The following CSMD1 variants were observed in gnomAD, a reference collection of about 807,000 sequenced individuals.
The protein encoded by CSMD1 is CUB and Sushi multiple domains 1, also known as CUB and sushi domain-containing protein 1.
A neutral mutation model predicts 417.5 loss-of-function variants in CSMD1; 213 were observed. The observed-to-expected ratio is 0.51, with a 90% CI of 0.46 to 0.57. CSMD1 has a LOEUF of 0.57. Among genes scored for constraint, CSMD1 ranks in the 20% least tolerant of loss-of-function variants. CSMD1 has a pLI of 0.00. For synonymous variants in CSMD1, 2,862 were observed against 1,736.8 expected (o/e 1.65, Z -16.11); for missense variants, 6,923 against 4,529.7 (o/e 1.53, Z -15.17).
intron 3 of CSMD1, among the ~76,000 whole-genome samples, chr8:4,312,304 C>T (rs1177400120): frequency 6.6e-6 from 1 of 150,994 alleles, no homozygotes; most frequent in African/African-American, 2.4e-5. Context: ...GGTATTTTAA[C>T]ACACATGATC....
At chr8:3,643,240 G>A (rs1328086158) in intron 7 of CSMD1, among the ~76,000 whole-genome samples, 2 of 151,948 alleles carry the variant, frequency 1.3e-5, no homozygotes, top group Non-Finnish European at 2.9e-5. Context: ...TGAAACAGCA[G>A]AACAAAGACA....
chr8:4,147,213 A>C, intron 3 of CSMD1, among the ~76,000 whole-genome samples: 1 of 152,148 alleles, frequency 6.6e-6, no homozygotes, highest in South Asian at 2.1e-4. Flanking sequence ...CTACTGAAAA[A>C]GAAAGCACGC....
intron 5 of CSMD1, among the ~76,000 whole-genome samples, chr8:3,893,059 C>G (rs529156656): frequency 1.3e-5 from 2 of 151,544 alleles, no homozygotes; most frequent in South Asian, 2.1e-4. Context: ...CAAGTTTGAC[C>G]AAGTATGCTG....
intron 5 of CSMD1, among the ~76,000 whole-genome samples, chr8:3,840,702 T>A (rs1803078674): frequency 6.6e-6 from 1 of 150,808 alleles, no homozygotes; most frequent in African/African-American, 2.4e-5. Flanking sequence ...AATTTTTTTT[T>A]TTTTTTTGAC....
chr8:4,168,078 G>A (rs1172301348), intron 3 of CSMD1, among the ~76,000 whole-genome samples: 1 of 151,458 alleles, frequency 6.6e-6, no homozygotes, highest in Non-Finnish European at 1.5e-5. Flanking sequence ...GTAGGGAGCT[G>A]AAATCGCACC....
chr8:3,124,927 A>AGTATCACTAAGTAAGT (rs1817412588), intron 41 of CSMD1, among the ~76,000 whole-genome samples: 1 of 152,214 alleles, frequency 6.6e-6, no homozygotes, highest in Non-Finnish European at 1.5e-5. Flanking sequence ...ACTAAGTAAG[A>AGTATCACTAAGTAAGT]GTATCACTAA....
intron 1 of CSMD1, among the ~76,000 whole-genome samples, chr8:4,764,106 G>A (rs1043272940): frequency 6.6e-6 from 1 of 152,148 alleles, no homozygotes; most frequent in East Asian, 1.9e-4. Context: ...CTCCAGAGAG[G>A]TAATCTACTT....
chr8:4,811,520 C>T (rs1323511757), intron 1 of CSMD1, among the ~76,000 whole-genome samples: 1 of 151,872 alleles, frequency 6.6e-6, no homozygotes, highest in Non-Finnish European at 1.5e-5. Flanking sequence ...GTATTGCTGC[C>T]ATAGAAACAA....
intron 3 of CSMD1, among the ~76,000 whole-genome samples, chr8:4,173,678 T>C (rs1563222259): frequency 6.6e-6 from 1 of 152,086 alleles, no homozygotes; most frequent in Non-Finnish European, 1.5e-5. Flanking sequence ...ATAACTGTAG[T>C]AGGAAAATTT....
intron 1 of CSMD1, among the ~76,000 whole-genome samples, chr8:4,726,726 T>C (rs570596200): frequency 6.6e-6 from 1 of 152,356 alleles, no homozygotes; most frequent in South Asian, 2.1e-4. Flanking sequence ...TCTGGAACTT[T>C]CACTTCAGCA....
chr8:3,959,604 G>A (rs1200765051), intron 5 of CSMD1, among the ~76,000 whole-genome samples: 1 of 152,212 alleles, frequency 6.6e-6, no homozygotes, highest in Non-Finnish European at 1.5e-5. Flanking sequence ...TTGACCAAAT[G>A]CTCCAAATCA....
At chr8:4,451,418 C>T (rs527690896) in intron 2 of CSMD1, among the ~76,000 whole-genome samples, 2 of 152,218 alleles carry the variant, frequency 1.3e-5, no homozygotes, top group African/African-American at 4.8e-5. Flanking sequence ...TCAGTGTTTT[C>T]CACACTGAAA....
chr8:4,637,261 A>G, intron 2 of CSMD1, 81 bp downstream of exon 2: 2 of 1,259,736 alleles, frequency 1.6e-6, no homozygotes, highest in East Asian at 4.6e-5. Context: ...ACACAATAAT[A>G]AAATTTAAAT....
intron 7 of CSMD1, among the ~76,000 whole-genome samples, chr8:3,705,823 G>C (rs942372287): frequency 6.6e-6 from 1 of 152,198 alleles, no homozygotes; most frequent in Admixed American, 6.5e-5. Flanking sequence ...CAGAAGTGGA[G>C]AGACTCAAGT....
In CSMD1 at chr8:4,320,873, A is replaced by T. The variant is rs182577193; in HGVS notation, c.415+99080T>A. ...ATAAATCATTCTACTATAAAGACAC[A>T]AACACACTTATGTTTGTTTTGTTTT... On this transcript the variant is annotated intron_variant, in intron 3 of 69. Coordinates refer to ENST00000635120, the MANE Select transcript of CSMD1 (RefSeq NM_033225.6). Among the ~76,000 whole-genome samples the T allele has an allele frequency of 1.8e-3, 279 of 152,244 alleles. 5 individuals are homozygous for T. In the East Asian group the frequency reaches 0.038, roughly 21 times the overall value.
chr8:4,933,690 A>AATGG (rs1330326378), intron 1 of CSMD1, among the ~76,000 whole-genome samples: 2 of 152,166 alleles, frequency 1.3e-5, no homozygotes, highest in African/African-American at 4.8e-5. Context: ...AGGAAAGATA[A>AATGG]ATGGATGGAT....
rs113566307 is a variant in CSMD1 at position 4,445,304 on chromosome 8, C to T, written c.303-25239G>A. ...TATGACATTCCGTTAGTTATATCTG[C>T]CTCATTAAATCAACCATTTTCTGTA... On this transcript the variant is annotated intron_variant, in intron 2 of 69. Transcript: ENST00000635120. 6.4e-3 allele frequency among the ~76,000 whole-genome samples: 979 copies of T among 152,220 alleles called. 8 individuals carry two copies. The highest frequency in any genetic ancestry group is 0.022 in the African/African-American group (932 of 41,536).
intron 3 of CSMD1, among the ~76,000 whole-genome samples, chr8:4,414,936 T>C (rs1050146430): frequency 2.6e-5 from 4 of 152,156 alleles, no homozygotes; most frequent in Non-Finnish European, 5.9e-5. Flanking sequence ...CCATGTTCTG[T>C]CTTCTCCCTG....
At chr8:3,538,543 G>A (rs771806301) in intron 10 of CSMD1, among the ~76,000 whole-genome samples, 1 of 152,232 alleles carries the variant, frequency 6.6e-6, no homozygotes, top group East Asian at 1.9e-4. Context: ...CGCCTGCGAT[G>A]CCGCACTTGA....
Sources: gnomAD v4.1 joint callset for allele counts (sites outside exome capture counted in the v4.1 genomes callset) on GRCh38, gnomAD v4.1.1 for gene constraint, MANE v1.5 for transcripts, NCBI Gene and HGNC (gene_info 2026-07-23, HGNC 2026-07-21) for gene names.